The following EPHA3 variants were observed in gnomAD, a reference collection of about 807,000 sequenced individuals.
EPHA3 encodes the protein ephrin type-A receptor 3.
EPHA3 carries 42 observed loss-of-function variants against 107.1 expected under a neutral mutation model. The ratio of observed to expected loss-of-function variants is 0.39; its 90% CI spans 0.31 to 0.51. The LOEUF (loss-of-function observed/expected upper bound fraction) is 0.51, where lower values mean the gene tolerates loss of function less well. Ranked by LOEUF, EPHA3 falls within the 20% of genes least tolerant of loss-of-function variation. The pLI is 0.78. For missense variants in EPHA3, 1,183 were observed against 1,211.2 expected, an observed-to-expected ratio of 0.98 and a Z score of 0.35; for synonymous variants, 461 against 424.8, an observed-to-expected ratio of 1.09 and a Z score of -1.05.
chr3:89,231,096 G>A (rs1356274880), intron 3 of EPHA3, among the ~76,000 whole-genome samples: 3 of 151,982 alleles, frequency 2.0e-5, no homozygotes, highest in Non-Finnish European at 2.9e-5. Flanking sequence ...TGTAATGGGG[G>A]AATAGACAGT....
intron 5 of EPHA3, among the ~76,000 whole-genome samples, chr3:89,381,826 C>G (rs77761253): frequency 0.016 from 2,426 of 152,228 alleles, 64 homozygotes; most frequent in African/African-American, 0.055. Context: ...TGCTAGAATG[C>G]GCAATCTATG....
intron 5 of EPHA3, among the ~76,000 whole-genome samples, chr3:89,353,535 G>A (rs1464141809): frequency 6.6e-6 from 1 of 151,218 alleles, no homozygotes; most frequent in African/African-American, 2.4e-5. Flanking sequence ...GATTTTCACA[G>A]TACATCATGC....
At chr3:89,166,595 C>T (rs1012877039) in intron 2 of EPHA3, among the ~76,000 whole-genome samples, 5 of 152,180 alleles carry the variant, frequency 3.3e-5, no homozygotes, top group African/African-American at 1.2e-4. Context: ...AATCAATTAT[C>T]TTCTATCCTT....
In EPHA3 at chr3:89,401,455, C is replaced by G. The variant is rs149874472; in HGVS notation, c.1594+1975C>G. Reference sequence around the variant, plus strand: ...AAGTATGATGGAAATAATGCAAGTGCCAACAAGGTTTAAAACAAATTAAAA... The same window carrying G: ...AAGTATGATGGAAATAATGCAAGTGGCAACAAGGTTTAAAACAAATTAAAA... On this transcript the variant is annotated intron_variant, in intron 7 of 16. Transcript: ENST00000336596. Among the ~76,000 whole-genome samples the G allele has an allele frequency of 2.2e-3, 329 of 152,224 alleles. 3 individuals are homozygous for G. The highest frequency in any genetic ancestry group is 7.7e-3 in the African/African-American group (319 of 41,524).
chr3:89,446,661 G>A (rs1200092058), intron 13 of EPHA3, among the ~76,000 whole-genome samples: 1 of 150,950 alleles, frequency 6.6e-6, no homozygotes, highest in African/African-American at 2.4e-5. Context: ...TTCTAAATAG[G>A]TACAAAGTTT....
At chr3:89,216,688 C>T (rs1704230443) in intron 3 of EPHA3, among the ~76,000 whole-genome samples, 1 of 151,970 alleles carries the variant, frequency 6.6e-6, no homozygotes, top group African/African-American at 2.4e-5. Context: ...TAATTTATGG[C>T]TTTTGTAAAG....
At chr3:89,345,509 T>C (rs1364175073) in intron 5 of EPHA3, among the ~76,000 whole-genome samples, 1 of 151,020 alleles carries the variant, frequency 6.6e-6, no homozygotes, top group African/African-American at 2.4e-5. Flanking sequence ...GCTTTATCCG[T>C]CCCACCCCCA....
chr3:89,157,774 G>C (rs752220626), intron 2 of EPHA3, among the ~76,000 whole-genome samples: 1 of 150,534 alleles, frequency 6.6e-6, no homozygotes, highest in Non-Finnish European at 1.5e-5. Flanking sequence ...AAGTAAAAGA[G>C]AACAAATCAT....
chr3:89,229,332 A>C (rs976954424), intron 3 of EPHA3, among the ~76,000 whole-genome samples: 1 of 151,910 alleles, frequency 6.6e-6, no homozygotes, highest in Non-Finnish European at 1.5e-5. Context: ...TTCCACTACT[A>C]TAGAAAAACT....
intron 3 of EPHA3, among the ~76,000 whole-genome samples, chr3:89,315,768 G>A (rs1057463325): frequency 2.0e-5 from 3 of 151,836 alleles, no homozygotes; most frequent in African/African-American, 7.2e-5. Context: ...GTGCCAGTAA[G>A]TCTAATTGTG....
chr3:89,327,663 T>C (rs1355946440), intron 3 of EPHA3, among the ~76,000 whole-genome samples: 1 of 152,118 alleles, frequency 6.6e-6, no homozygotes, highest in Non-Finnish European at 1.5e-5. Flanking sequence ...TGGGGGACAG[T>C]ATGGAAAGTT....
chr3:89,438,147 CGCCCAG>C (rs978065420), intron 13 of EPHA3, among the ~76,000 whole-genome samples: 2 of 151,770 alleles, frequency 1.3e-5, no homozygotes, highest in African/African-American at 4.8e-5. Context: ...CTCACTCTGT[CGCCCAG>C]GCTGGAGTGC....
rs185609168 is a variant in EPHA3 at position 89,410,333 on chromosome 3, A to G, written c.1762+2202A>G. 4.5e-4 allele frequency among the ~76,000 whole-genome samples: 69 copies of G among 152,110 alleles called. No homozygotes were observed. The East Asian group carries it at 0.011, about 25-fold the overall frequency. ...TATCCATCATACATATATTCTCTAC[A>G]AGCTGACTGGTACTTAAGGGTAAAT... is the stretch of plus-strand genomic sequence containing the variant. On this transcript the variant is annotated intron_variant, in intron 9 of 16. Coordinates refer to ENST00000336596, the MANE Select transcript of EPHA3 (RefSeq NM_005233.6).
chr3:89,366,378 A>T (rs1432346515), intron 5 of EPHA3, among the ~76,000 whole-genome samples: 1 of 150,760 alleles, frequency 6.6e-6, no homozygotes, highest in East Asian at 1.9e-4. Context: ...AAGGATGATA[A>T]TACCATTGAT....
chr3:89,302,509 A>G (rs1706515113), intron 3 of EPHA3, among the ~76,000 whole-genome samples: 1 of 152,142 alleles, frequency 6.6e-6, no homozygotes, highest in Non-Finnish European at 1.5e-5. Flanking sequence ...TAAGGAACTG[A>G]GGAGGTGGAA....
chr3:89,437,305 A>G (rs1709692410), intron 13 of EPHA3, among the ~76,000 whole-genome samples: 4 of 152,164 alleles, frequency 2.6e-5, no homozygotes, highest in South Asian at 4.1e-4. Flanking sequence ...TTGAAAGCAG[A>G]ACTGCAGCTG....
chr3:89,357,460 T>A lies in EPHA3; in HGVS notation c.1306+15370T>A, dbSNP rs532817774. On this transcript the variant is annotated intron_variant, in intron 5 of 16. Coordinates refer to ENST00000336596, the MANE Select transcript of EPHA3 (RefSeq NM_005233.6). The stretch of plus-strand genomic sequence containing the variant: ...CCATAGATATTTTAAAGAAAGAAAA[T>A]TTTTGCATCTTTACTTTTATTTGTT... 2.0e-5 allele frequency among the ~76,000 whole-genome samples: 3 copies of A among 151,082 alleles called. No homozygotes were observed. The South Asian group carries it at 6.3e-4, about 32-fold the overall frequency.
intron 3 of EPHA3, among the ~76,000 whole-genome samples, chr3:89,243,038 A>T (rs1377845568): frequency 6.6e-6 from 1 of 151,664 alleles, no homozygotes; most frequent in African/African-American, 2.4e-5. Context: ...ATTTGCTGAG[A>T]ATGATGGTTT....
chr3:89,345,556 C>G (rs573500960), intron 5 of EPHA3, among the ~76,000 whole-genome samples: 1 of 150,796 alleles, frequency 6.6e-6, no homozygotes, highest in Non-Finnish European at 1.5e-5. Context: ...ATTTCTGAAC[C>G]ACTTGCAGAT....
Sources: gnomAD v4.1 joint callset for allele counts (sites outside exome capture counted in the v4.1 genomes callset) on GRCh38, gnomAD v4.1.1 for gene constraint, MANE v1.5 for transcripts, NCBI Gene and HGNC (gene_info 2026-07-23, HGNC 2026-07-21) for gene names.